Variants in SYT9 observed in about 807,000 individuals in gnomAD.
SYT9 encodes synaptotagmin 9, also known as synaptotagmin-9.
In SYT9, 22 loss-of-function variants were observed where a neutral mutation model predicts 48.4. The ratio of observed to expected loss-of-function variants is 0.45; its 90% CI spans 0.32 to 0.65. The LOEUF is 0.65. SYT9 is among the 30% of genes least tolerant of loss of function. SYT9 has a pLI of 0.03. For synonymous variants in SYT9, 265 were observed against 245.0 expected, an observed-to-expected ratio of 1.08 and a Z score of -0.76; for missense variants, 577 against 622.0, an observed-to-expected ratio of 0.93 and a Z score of 0.77.
rs186995254 is a variant in SYT9, at chr11:7,446,918, G to T, written c.1468-19874G>T. ...GCAGTGAGGACCCAATCCCTGAGGG[G>T]AGCTTGGGAGAGAAGCATGGGACAC... On this transcript the variant is annotated intron_variant, in intron 6 of 6. Transcript: ENST00000318881. Among the ~76,000 whole-genome samples the T allele has an allele frequency of 7.2e-5, 11 of 152,336 alleles. No individual in the cohort carries two copies. The East Asian group carries it at 2.1e-3, about 29-fold the overall frequency.
intron 3 of SYT9, among the ~76,000 whole-genome samples, chr11:7,392,170 C>CA (rs1846636246): frequency 6.6e-6 from 1 of 151,984 alleles, no homozygotes; most frequent in East Asian, 1.9e-4. Flanking sequence ...CTTAGTCATA[C>CA]ATTATTTGCT....
chr11:7,366,610 C>A (rs957087874), intron 3 of SYT9, among the ~76,000 whole-genome samples: 11 of 152,106 alleles, frequency 7.2e-5, no homozygotes, highest in Admixed American at 1.3e-4. Context: ...TATTCCATTT[C>A]ATGTTTATTA....
At chr11:7,369,790 C>CAA (rs758332696) in intron 3 of SYT9, among the ~76,000 whole-genome samples, 1 of 115,624 alleles carries the variant, frequency 8.6e-6, no homozygotes, top group Non-Finnish European at 1.7e-5. Flanking sequence ...CACACACACA[C>CAA]ACAAACACAC....
chr11:7,288,232 G>T (rs896263794), intron 1 of SYT9, among the ~76,000 whole-genome samples: 4 of 151,680 alleles, frequency 2.6e-5, no homozygotes, highest in East Asian at 1.9e-4. Context: ...GTTTGAAAGG[G>T]ACTATGTACC....
At chr11:7,406,535 C>CATATATATATATATAT (rs57371051) in intron 3 of SYT9, among the ~76,000 whole-genome samples, 1 of 135,340 alleles carries the variant, frequency 7.4e-6, no homozygotes, top group African/African-American at 2.8e-5. Context: ...TTCAATTGCG[C>CATATATATATATATAT]ATATATATAT....
chr11:7,301,433 G>T (rs1243723432), intron 1 of SYT9, among the ~76,000 whole-genome samples: 1 of 152,200 alleles, frequency 6.6e-6, no homozygotes, highest in Non-Finnish European at 1.5e-5. Context: ...GCTTGACTCA[G>T]TAGGTAAGTG....
At chr11:7,324,123 T>C (rs1849385687) in intron 3 of SYT9, among the ~76,000 whole-genome samples, 1 of 151,992 alleles carries the variant, frequency 6.6e-6, no homozygotes, top group Non-Finnish European at 1.5e-5. Context: ...TACCAAATTA[T>C]TTTTTATTTC....
In SYT9 at chr11:7,314,014, T is replaced by A. The variant is rs1018710921; in HGVS notation, c.1044+73T>A. 9.3e-6 allele frequency: 14 copies of A among 1,503,042 alleles called. No individual in the cohort carries two copies. The African/African-American group carries it at 1.8e-4, about 19-fold the overall frequency. The allele number at this position is 1,503,042 out of a possible 1,614,324, so 93.1% of individuals were successfully genotyped here. A position where few individuals can be genotyped will look rare whatever the true frequency, so the allele number is the denominator to read the frequency against. On this transcript the variant is annotated intron_variant, in intron 3 of 6. Coordinates refer to ENST00000318881, the MANE Select transcript of SYT9 (RefSeq NM_175733.4). ...GCAAGGAAACAGATTACTTACACAT[T>A]ATCTTGAGGACAAAGTGTAAAATTC...
intron 3 of SYT9, among the ~76,000 whole-genome samples, chr11:7,333,682 T>C (rs1025222237): frequency 6.6e-6 from 1 of 152,194 alleles, no homozygotes; most frequent in Non-Finnish European, 1.5e-5. Context: ...CTATCAGATA[T>C]GGAAGGATGA....
intron 3 of SYT9, among the ~76,000 whole-genome samples, chr11:7,314,576 T>C (rs779494941): frequency 1.3e-5 from 2 of 152,250 alleles, no homozygotes; most frequent in Admixed American, 6.5e-5. Flanking sequence ...AAAGGTGCTA[T>C]GTAGTGGTAC....
intron 3 of SYT9, among the ~76,000 whole-genome samples, chr11:7,410,718 T>A (rs1564893982): frequency 6.6e-6 from 1 of 152,260 alleles, no homozygotes; most frequent in Non-Finnish European, 1.5e-5. Context: ...TGCATCCCTT[T>A]ACTTTGGGTG....
intron 1 of SYT9, among the ~76,000 whole-genome samples, chr11:7,255,614 C>T (rs9667511): frequency 0.52 from 79,269 of 151,292 alleles, 20,870 homozygotes; most frequent in Admixed American, 0.56. Flanking sequence ...CAGGTACAGC[C>T]GCAAGTATTT....
Position 7,466,913 on chromosome 11 carries a change from C to A in SYT9, c.*113C>A. Reference sequence around the variant, plus strand: ...TCCAGACGATTTCAGTGACCAAATGCTCAGCTGTAACCACAGCACTAACTG... The same window carrying A: ...TCCAGACGATTTCAGTGACCAAATGATCAGCTGTAACCACAGCACTAACTG... On this transcript the variant is annotated 3_prime_UTR_variant, in exon 7 of 7. Transcript: ENST00000318881. 7.4e-7 allele frequency: 1 copy of A among 1,343,890 alleles called. No individual in the cohort carries two copies. Among genetic ancestry groups the A allele is most frequent in the Non-Finnish European group, 1.1e-6 (1 of 947,810 alleles). The allele number at this position is 1,343,890 out of a possible 1,614,324, so 83.2% of individuals were successfully genotyped here.
intron 1 of SYT9, among the ~76,000 whole-genome samples, chr11:7,278,127 C>T (rs1178228944): frequency 6.6e-6 from 1 of 152,146 alleles, no homozygotes; most frequent in Non-Finnish European, 1.5e-5. Context: ...TCTTCTTCTA[C>T]ATCTAATTGC....
intron 1 of SYT9, among the ~76,000 whole-genome samples, chr11:7,286,710 CTCTT>C (rs1232026795): frequency 2.4e-4 from 37 of 152,344 alleles, no homozygotes; most frequent in African/African-American, 8.7e-4. Flanking sequence ...CCTAAATTAT[CTCTT>C]TCTAGTTCAA....
At chr11:7,265,341 C>T (rs751615575) in intron 1 of SYT9, among the ~76,000 whole-genome samples, 3 of 152,070 alleles carry the variant, frequency 2.0e-5, no homozygotes. Context: ...GGGTGAAAAG[C>T]GATTGAATGT....
intron 1 of SYT9, among the ~76,000 whole-genome samples, chr11:7,261,218 C>G (rs1848072260): frequency 6.6e-6 from 1 of 152,204 alleles, no homozygotes; most frequent in Non-Finnish European, 1.5e-5. Flanking sequence ...ATTTTTGGGA[C>G]ATGCCTGCCT....
At chr11:7,274,424 C>G (rs1228908745) in intron 1 of SYT9, among the ~76,000 whole-genome samples, 1 of 149,606 alleles carries the variant, frequency 6.7e-6, no homozygotes, top group Non-Finnish European at 1.5e-5. Context: ...TCAAGCGATT[C>G]TCCTGCCTCA....
intron 1 of SYT9, among the ~76,000 whole-genome samples, chr11:7,240,221 T>C (rs1847727168): frequency 6.6e-6 from 1 of 152,006 alleles, no homozygotes; most frequent in African/African-American, 2.4e-5. Flanking sequence ...GAGTCCCAAT[T>C]CCTCCCTACC....
Sources: allele counts gnomAD v4.1 joint callset (sites outside exome capture counted in the v4.1 genomes callset), GRCh38; gene constraint gnomAD v4.1.1; transcripts MANE v1.5; gene names NCBI Gene and HGNC (gene_info 2026-07-23, HGNC 2026-07-21).